PTPDC1: variants seen among roughly 807,000 people sequenced by gnomAD.
PTPDC1 encodes the protein protein tyrosine phosphatase domain containing 1.
Under a neutral mutation model 75.3 loss-of-function variants are expected in PTPDC1, and 53 were observed. The ratio of observed to expected loss-of-function variants is 0.70; its 90% confidence interval spans 0.56 to 0.88. PTPDC1 has a LOEUF of 0.88. Among genes scored for constraint, PTPDC1 ranks in the 40% least tolerant of loss-of-function variants. The pLI is 0.00. For missense variants in PTPDC1, 925 were observed against 998.6 expected, an observed-to-expected ratio of 0.93 and a Z score of 0.99; for synonymous variants, 349 against 366.2, an observed-to-expected ratio of 0.95 and a Z score of 0.54.
chr9:94,045,090 G>A (rs926551933), intron 1 of PTPDC1, among the ~76,000 whole-genome samples: 2 of 145,888 alleles, frequency 1.4e-5, no homozygotes, highest in Non-Finnish European at 3.0e-5. Flanking sequence ...GAGAACACGC[G>A]GTGTTTGGTT....
chr9:94,094,500 T>C (rs1827462515), intron 4 of PTPDC1, among the ~76,000 whole-genome samples: 1 of 152,180 alleles, frequency 6.6e-6, no homozygotes, highest in African/African-American at 2.4e-5. Context: ...CAGGGACATT[T>C]AAGTATGCAA....
chr9:94,042,671 G>A (rs1409122575), intron 1 of PTPDC1, among the ~76,000 whole-genome samples: 2 of 152,176 alleles, frequency 1.3e-5, no homozygotes, highest in East Asian at 3.8e-4. Context: ...GAAAGCTGGG[G>A]TGGCTGTGAC....
rs1402734578 is a variant in PTPDC1 at position 94,095,304 on chromosome 9, T to C, written c.617-13T>C. 1 of 1,594,826 alleles carries C rather than the reference T, an allele frequency of 6.3e-7. No individual in the cohort carries two copies. Among genetic ancestry groups the C allele is most frequent in the African/African-American group, 1.4e-5 (1 of 73,784 alleles). On this transcript the variant is annotated splice_polypyrimidine_tract_variant and intron_variant, in intron 4 of 8. Coordinates refer to ENST00000620992, the MANE Select transcript of PTPDC1 (RefSeq NM_001253829.2). ...CTGTATGTTGATTTTCTTTTCCTTT[T>C]CTTTTTTCCTAGTTTACTTCTACAA...
chr9:94,067,188 G>C (rs988694324), intron 2 of PTPDC1, among the ~76,000 whole-genome samples: 108 of 152,108 alleles, frequency 7.1e-4, no homozygotes, highest in African/African-American at 2.4e-3. Flanking sequence ...AGGAGTTCGA[G>C]ACCAGCCTGG....
intron 1 of PTPDC1, among the ~76,000 whole-genome samples, chr9:94,047,805 C>T (rs1825659594): frequency 6.6e-6 from 1 of 152,180 alleles, no homozygotes; most frequent in Non-Finnish European, 1.5e-5. Flanking sequence ...TGCAAATAAA[C>T]TAGAAAATCT....
At chr9:94,086,177 T>C (rs1827067657) in intron 2 of PTPDC1, among the ~76,000 whole-genome samples, 1 of 152,234 alleles carries the variant, frequency 6.6e-6, no homozygotes, top group African/African-American at 2.4e-5. Flanking sequence ...TACTTTTTCA[T>C]ATTGGATTTG....
In PTPDC1 at chr9:94,104,664, G is replaced by A. The variant is rs57294557; in HGVS notation, c.2310+279G>A. Among the ~76,000 whole-genome samples, 256 of 152,328 alleles carry A rather than the reference G, an allele frequency of 1.7e-3. 2 individuals are homozygous for A. The highest frequency in any genetic ancestry group is 5.8e-3 in the African/African-American group (242 of 41,578). ...ATAAAAGAAAGAGAGAAACAACTGA[G>A]TGTTGAATACATATTTTTAGATCAT... On this transcript the variant is annotated intron_variant, in intron 8 of 8. Coordinates refer to ENST00000620992, the MANE Select transcript of PTPDC1 (RefSeq NM_001253829.2).
chr9:94,050,021 G>C (rs1047479089), intron 1 of PTPDC1, among the ~76,000 whole-genome samples: 2 of 152,118 alleles, frequency 1.3e-5, no homozygotes, highest in African/African-American at 4.8e-5. Context: ...ACTGAGGCTT[G>C]TGCATTTGTC....
At chr9:94,091,347 G>C (rs534808863) in intron 4 of PTPDC1, among the ~76,000 whole-genome samples, 1 of 152,092 alleles carries the variant, frequency 6.6e-6, no homozygotes, top group Non-Finnish European at 1.5e-5. Context: ...TAATCATGTG[G>C]TTTTTGTCTT....
upstream of PTPDC1, among the ~76,000 whole-genome samples, chr9:94,080,529 G>A (rs892341583): frequency 2.6e-5 from 4 of 152,230 alleles, no homozygotes; most frequent in Middle Eastern, 3.4e-3. Flanking sequence ...CACTCTAATG[G>A]CAATGAGCAT....
At chr9:94,036,031 TTTTG>T (rs1825255812) in intron 1 of PTPDC1, among the ~76,000 whole-genome samples, 3 of 145,168 alleles carry the variant, frequency 2.1e-5, no homozygotes, top group Non-Finnish European at 3.0e-5. Context: ...TTGTTTTTTT[TTTTG>T]TTTTTTTTTT....
At position 94,040,775 on chromosome 9, in the gene PTPDC1, T is replaced by G. The variant is rs188598373; in HGVS notation, c.-7+9648T>G. Among the ~76,000 whole-genome samples, 193 of 152,332 alleles carry G rather than the reference T, an allele frequency of 1.3e-3. 1 individual carries two copies. Among genetic ancestry groups the G allele is most frequent in the Admixed American group, 4.1e-3 (63 of 15,302 alleles). On this transcript the variant is annotated intron_variant, in intron 1 of 9. Coordinates refer to the PTPDC1 transcript ENST00000375360. The stretch of plus-strand genomic sequence containing the variant: ...ATTAAAAAGTTGATTTTTAATGCAT[T>G]GCCAAGATAATGTTCTGCAGCTAAT...
chr9:94,106,936 GGTTTGTTT>G lies in PTPDC1; in HGVS notation c.2311-867_2311-860del, dbSNP rs112737054. On this transcript the variant is annotated intron_variant, in intron 8 of 8. Coordinates refer to ENST00000620992, the MANE Select transcript of PTPDC1 (RefSeq NM_001253829.2). ...AAGGAAATTTACTTTATCAAGGTGG[GGTTTGTTT>G]GTTTGTTTGTTTGTTTGTTTGTTTT... Among the ~76,000 whole-genome samples the G allele has an allele frequency of 5.1e-3, 765 of 151,352 alleles. 9 individuals are homozygous for G. The highest frequency in any genetic ancestry group is 0.016 in the African/African-American group (637 of 41,052).
At chr9:94,041,933 A>G (rs1825437500) in intron 1 of PTPDC1, among the ~76,000 whole-genome samples, 2 of 152,188 alleles carry the variant, frequency 1.3e-5, no homozygotes, top group Admixed American at 1.3e-4. Context: ...ATAGGTAGGA[A>G]CTATATGTAT....
intron 1 of PTPDC1, among the ~76,000 whole-genome samples, chr9:94,053,159 T>C (rs1287449177): frequency 6.6e-6 from 1 of 152,164 alleles, no homozygotes; most frequent in Non-Finnish European, 1.5e-5. Flanking sequence ...CCTTGGAGAC[T>C]TCTCTAGGGT....
chr9:94,065,924 CT>C (rs1826287672), intron 2 of PTPDC1, among the ~76,000 whole-genome samples: 6 of 152,212 alleles, frequency 3.9e-5, no homozygotes, highest in Admixed American at 3.9e-4. Context: ...TTCTTTCCCC[CT>C]GAGTAACTCT....
intron 1 of PTPDC1, among the ~76,000 whole-genome samples, chr9:94,036,129 C>G (rs1825262981): frequency 6.9e-6 from 1 of 145,420 alleles, no homozygotes; most frequent in African/African-American, 2.6e-5. Context: ...TTCTCCCATT[C>G]TGTAGGTTGT....
chr9:94,035,536 A>T (rs1825237743), intron 1 of PTPDC1, among the ~76,000 whole-genome samples: 2 of 152,206 alleles, frequency 1.3e-5, no homozygotes, highest in South Asian at 4.1e-4. Flanking sequence ...GCTGAATAGT[A>T]GTCCATTGTG....
chr9:94,099,072 C>A (rs905951720), intron 6 of PTPDC1, among the ~76,000 whole-genome samples: 2 of 152,234 alleles, frequency 1.3e-5, no homozygotes, highest in South Asian at 4.1e-4. Flanking sequence ...ACTTGCCAAT[C>A]CTGCCCTAAT....
Sources: allele counts gnomAD v4.1 joint callset (sites outside exome capture counted in the v4.1 genomes callset), GRCh38; gene constraint gnomAD v4.1.1; transcripts MANE v1.5; gene names NCBI Gene and HGNC (gene_info 2026-07-23, HGNC 2026-07-21).